Variants in TNIK observed in about 807,000 individuals in gnomAD.
The protein encoded by TNIK is TRAF2 and NCK interacting kinase, also known as TRAF2 and NCK-interacting protein kinase.
Under a neutral mutation model 191.3 loss-of-function variants are expected in TNIK, and 49 were observed. The observed-to-expected ratio is 0.26, with a 90% CI of 0.20 to 0.32. TNIK has a LOEUF of 0.32. Among genes scored for constraint, TNIK ranks in the 10% least tolerant of loss-of-function variants. TNIK has a pLI of 1.00. For missense variants in TNIK, 1,155 were observed against 1,702.3 expected (o/e 0.68, Z 5.66); for synonymous variants, 594 against 600.9 (o/e 0.99, Z 0.17).
intron 4 of TNIK, among the ~76,000 whole-genome samples, chr3:171,207,205 T>C (rs539076907): frequency 6.6e-6 from 1 of 152,268 alleles, no homozygotes; most frequent in East Asian, 1.9e-4. Flanking sequence ...GAGGTGGGGC[T>C]TCTGGATCAT....
intron 25 of TNIK, 129 bp from the exon 26 acceptor site, chr3:171,084,454 C>G: frequency 9.1e-7 from 1 of 1,094,498 alleles, no homozygotes; most frequent in Admixed American, 2.6e-5. Context: ...CTCTGAAACT[C>G]TCCTTATTTT....
intron 18 of TNIK, among the ~76,000 whole-genome samples, chr3:171,115,738 A>G (rs1202302499): frequency 6.6e-6 from 1 of 152,226 alleles, no homozygotes; most frequent in Non-Finnish European, 1.5e-5. Context: ...ATGGCCTTTA[A>G]AGCCTAGAGG....
At chr3:171,106,044 CCTTCAA>C (rs1398100294) in intron 21 of TNIK, among the ~76,000 whole-genome samples, 1 of 152,174 alleles carries the variant, frequency 6.6e-6, no homozygotes, top group Non-Finnish European at 1.5e-5. Context: ...AAGCAACAAT[CCTTCAA>C]CTATGATCAT....
In TNIK at chr3:171,167,211, G is replaced by A; in HGVS notation, c.833C>T (p.Pro278Leu). ...ATGCTTCATCAATTGTTCTGTTGCT[G>A]GTCGCTGGCTGTGATTCTTTACCAA... Reference protein sequence around the residue: ...SCLVKNHSQRPATEQLMKHPF... With the variant: ...SCLVKNHSQRLATEQLMKHPF... The change falls in exon 10 of 33, where the codon CCA becomes CTA. Residue 278 changes from proline to leucine, a missense_variant. Around this residue, in one of 3 missense-constraint regions of TNIK, gnomAD observed 225 missense variants for 438.9 expected, o/e 0.51. Transcript: ENST00000436636. The A allele has an allele frequency of 6.2e-7, 1 of 1,613,938 alleles. No homozygotes were observed. Among genetic ancestry groups the A allele is most frequent in the South Asian group, 1.1e-5 (1 of 91,064 alleles).
At chr3:171,179,182 ACT>A (rs1010120744) in intron 7 of TNIK, among the ~76,000 whole-genome samples, 16 of 151,820 alleles carry the variant, frequency 1.1e-4, no homozygotes, top group Non-Finnish European at 1.8e-4. Flanking sequence ...ACTCCAAGGA[ACT>A]CTCTGCATAC....
At chr3:171,270,323 C>T (rs1748925703) in intron 2 of TNIK, among the ~76,000 whole-genome samples, 1 of 152,016 alleles carries the variant, frequency 6.6e-6, no homozygotes, top group Non-Finnish European at 1.5e-5. Context: ...GCAATTGGAC[C>T]ACTTAGGAAA....
chr3:171,300,969 G>A (rs1368688456), intron 2 of TNIK, among the ~76,000 whole-genome samples: 1 of 152,132 alleles, frequency 6.6e-6, no homozygotes, highest in Non-Finnish European at 1.5e-5. Context: ...ATTCTCAATG[G>A]ATGGATGTCA....
chr3:171,369,154 T>C (rs938457761), intron 2 of TNIK, among the ~76,000 whole-genome samples: 2 of 152,218 alleles, frequency 1.3e-5, no homozygotes, highest in African/African-American at 4.8e-5. Context: ...GTCGCTGCTA[T>C]TAAGCTTTTG....
intron 2 of TNIK, among the ~76,000 whole-genome samples, chr3:171,357,577 A>G (rs1242489475): frequency 7.5e-6 from 1 of 133,218 alleles, no homozygotes; most frequent in Non-Finnish European, 1.6e-5. Flanking sequence ...TTTGGTACAT[A>G]TTTATAACTA....
At chr3:171,430,440 G>A (rs1008702505) in intron 1 of TNIK, among the ~76,000 whole-genome samples, 5 of 152,024 alleles carry the variant, frequency 3.3e-5, no homozygotes, top group African/African-American at 1.2e-4. Context: ...AGGAGTTTGA[G>A]ACCAACCTGG....
At chr3:171,262,750 C>T (rs935280173) in intron 2 of TNIK, among the ~76,000 whole-genome samples, 1 of 152,190 alleles carries the variant, frequency 6.6e-6, no homozygotes, top group Non-Finnish European at 1.5e-5. Context: ...ATGAGGGAAC[C>T]TCAATTTTGT....
chr3:171,441,571 G>A (rs562580076), intron 1 of TNIK, among the ~76,000 whole-genome samples: 3 of 152,272 alleles, frequency 2.0e-5, no homozygotes, highest in East Asian at 3.9e-4. Flanking sequence ...AGACATTTGG[G>A]TGGTTTCCAT....
chr3:171,201,275 T>C (rs1473554884), intron 4 of TNIK, among the ~76,000 whole-genome samples: 1 of 152,134 alleles, frequency 6.6e-6, no homozygotes. Context: ...GGTGCATGCC[T>C]GTAATCCCAG....
intron 18 of TNIK, among the ~76,000 whole-genome samples, chr3:171,121,539 G>A (rs538929089): frequency 1.5e-4 from 23 of 152,306 alleles, no homozygotes; most frequent in Non-Finnish European, 2.6e-4. Context: ...GGAAGACCAC[G>A]TGGAGCAAGA....
At chr3:171,388,546 T>C (rs575654949) in intron 1 of TNIK, among the ~76,000 whole-genome samples, 3 of 152,324 alleles carry the variant, frequency 2.0e-5, no homozygotes, top group South Asian at 4.1e-4. Context: ...CCTAGTGTCT[T>C]GGGGATGAAC....
At chr3:171,093,742 C>A (rs55695221) in intron 23 of TNIK, 97 bp downstream of exon 23, 1 of 1,488,802 alleles carries the variant, frequency 6.7e-7, no homozygotes, top group East Asian at 2.4e-5. Context: ...ATTCCCCATA[C>A]TTAAAATACA....
intron 10 of TNIK, among the ~76,000 whole-genome samples, chr3:171,164,891 T>G (rs1167075363): frequency 6.6e-6 from 1 of 152,220 alleles, no homozygotes; most frequent in Non-Finnish European, 1.5e-5. Context: ...AATTGACATC[T>G]TATTAACTGC....
intron 18 of TNIK, among the ~76,000 whole-genome samples, chr3:171,111,210 C>T (rs1033311676): frequency 1.3e-5 from 2 of 152,052 alleles, no homozygotes; most frequent in Non-Finnish European, 2.9e-5. Context: ...TCACTTGAGG[C>T]CAGGAGTTCA....
At chr3:171,126,571 A>G (rs559079017) in intron 16 of TNIK, among the ~76,000 whole-genome samples, 2 of 152,320 alleles carry the variant, frequency 1.3e-5, no homozygotes, top group Admixed American at 6.5e-5. Flanking sequence ...CTTACTTGTT[A>G]TGAACTCACT....
Sources: allele counts gnomAD v4.1 joint callset (sites outside exome capture counted in the v4.1 genomes callset), GRCh38; gene constraint gnomAD v4.1.1; regional missense constraint gnomAD v4.1.1; transcripts MANE v1.5; gene names NCBI Gene and HGNC (gene_info 2026-07-23, HGNC 2026-07-21).